The following EIF4E3 variants were observed in gnomAD, a reference collection of about 807,000 sequenced individuals.
The protein encoded by EIF4E3 is eukaryotic translation initiation factor 4E type 3.
Under a neutral mutation model 31.7 loss-of-function variants are expected in EIF4E3, and 26 were observed. That is an observed-to-expected ratio of 0.82 (90% CI 0.60 to 1.14). The LOEUF (loss-of-function observed/expected upper bound fraction) is 1.14, where lower values mean the gene tolerates loss of function less well. Ranked by LOEUF, EIF4E3 falls within the 50% of genes most tolerant of loss-of-function variation. The probability of loss-of-function intolerance (pLI) is 0.00; values close to 1 mark genes in which losing one functional copy is unlikely to be tolerated. For synonymous variants in EIF4E3, 128 were observed against 107.7 expected, an observed-to-expected ratio of 1.19 and a Z score of -1.17; for missense variants, 304 against 270.9, an observed-to-expected ratio of 1.12 and a Z score of -0.86.
rs1208127354 is a variant in EIF4E3 at position 71,682,085 on chromosome 3, G to GTTAC, written c.*2593_*2596dup. 6.6e-6 allele frequency: 1 copy of GTTAC among 152,192 alleles called. No homozygotes were observed. The highest frequency in any genetic ancestry group is 1.5e-5 in the Non-Finnish European group (1 of 68,040). The allele number at this position is 152,192 out of a possible 1,614,324, so 9.4% of individuals were successfully genotyped here. A position where few individuals can be genotyped will look rare whatever the true frequency, so the allele number is the denominator to read the frequency against. On this transcript the variant is annotated 3_prime_UTR_variant, in exon 7 of 7. Coordinates refer to ENST00000425534, the MANE Select transcript of EIF4E3 (RefSeq NM_001134651.2). Reference sequence around the variant, plus strand: ...CGAAAGACAGTCAAAATATAGGCAAGTTACTTTAAATGGGTATTATTTGTC... The same window carrying GTTAC: ...CGAAAGACAGTCAAAATATAGGCAAGTTACTTACTTTAAATGGGTATTATTTGTC...
rs1275570826 is a variant in EIF4E3 at position 71,742,715 on chromosome 3, G to GA, written c.-291+10747dup. Among the ~76,000 whole-genome samples the GA allele has an allele frequency of 9.9e-5, 15 of 152,002 alleles. No individual in the cohort carries two copies. The East Asian group carries it at 2.7e-3, about 27-fold the overall frequency. On this transcript the variant is annotated intron_variant, in intron 1 of 7. Transcript: ENST00000295612. ...GAGATCAATAACCCTCATGAATATA[G>GA]ATGTAAAAATTCAAAACAAAATTTT...
chr3:71,714,801 T>C (rs1020480274), intron 1 of EIF4E3, among the ~76,000 whole-genome samples: 7 of 152,194 alleles, frequency 4.6e-5, no homozygotes, highest in African/African-American at 1.4e-4. Flanking sequence ...AAAGTAGCAG[T>C]GCAAGCTGTT....
intron 4 of EIF4E3, among the ~76,000 whole-genome samples, chr3:71,695,201 C>T (rs2049119253): frequency 1.3e-5 from 2 of 152,112 alleles, no homozygotes; most frequent in South Asian, 4.1e-4. Context: ...CTGCGAGAGG[C>T]TGTTAGGGGA....
At chr3:71,663,737 C>T in the EIF4E3 span, among the ~76,000 whole-genome samples, 1 of 152,264 alleles carries the variant, frequency 6.6e-6, no homozygotes, top group Non-Finnish European at 1.5e-5. Flanking sequence ...GTTCGCCGCT[C>T]ATGCCTGTTT....
At chr3:71,734,127 A>T (rs1292200509) in intron 1 of EIF4E3, among the ~76,000 whole-genome samples, 1 of 152,150 alleles carries the variant, frequency 6.6e-6, no homozygotes, top group Non-Finnish European at 1.5e-5. Flanking sequence ...GTTGCACCTT[A>T]TGGTATTTGC....
chr3:71,661,877 A>G, the EIF4E3 span, among the ~76,000 whole-genome samples: 2 of 152,182 alleles, frequency 1.3e-5, no homozygotes, highest in East Asian at 3.9e-4. Context: ...AGTATACAGA[A>G]AGTGGTTAAG....
intron 1 of EIF4E3, among the ~76,000 whole-genome samples, chr3:71,714,161 G>C (rs752477744): frequency 6.6e-6 from 1 of 151,578 alleles, no homozygotes; most frequent in South Asian, 2.1e-4. Flanking sequence ...GCAGTGAGCC[G>C]AGATTGCGCC....
At chr3:71,739,494 C>T (rs1190305611) in intron 1 of EIF4E3, among the ~76,000 whole-genome samples, 1 of 151,868 alleles carries the variant, frequency 6.6e-6, no homozygotes, top group Non-Finnish European at 1.5e-5. Flanking sequence ...CTATGTGCCC[C>T]AGACCAGTCT....
Position 71,740,282 on chromosome 3 carries a change from T to C in EIF4E3, c.-290-11659A>G, listed in dbSNP as rs549468815. Among the ~76,000 whole-genome samples, 7 of 152,354 alleles carry C rather than the reference T, an allele frequency of 4.6e-5. No individual in the cohort carries two copies. In the South Asian group the frequency reaches 1.4e-3, roughly 32 times the overall value. On this transcript the variant is annotated intron_variant, in intron 1 of 7. Coordinates refer to the EIF4E3 transcript ENST00000295612. ...AAATGTACAGTTTAAATATTCCCAA[T>C]TGAATTTCAGCCATTATTTGGTTGA...
chr3:71,722,132 A>G (rs1334905290), intron 1 of EIF4E3, among the ~76,000 whole-genome samples: 2 of 152,126 alleles, frequency 1.3e-5, no homozygotes, highest in African/African-American at 2.4e-5. Flanking sequence ...GATGACTCTA[A>G]GATTTCTGGG....
upstream of EIF4E3, among the ~76,000 whole-genome samples, chr3:71,727,964 T>C (rs756519346): frequency 6.6e-5 from 10 of 152,262 alleles, no homozygotes; most frequent in Non-Finnish European, 1.5e-4. Flanking sequence ...TTTTCTTTAC[T>C]GAATAGCAAT....
At chr3:71,664,661 G>A in the EIF4E3 span, among the ~76,000 whole-genome samples, 3 of 152,128 alleles carry the variant, frequency 2.0e-5, no homozygotes, top group East Asian at 5.8e-4. Flanking sequence ...ATCACTTGAG[G>A]TCAGGAGTCC....
chr3:71,681,819 G>T lies in EIF4E3; in HGVS notation c.*2863C>A, dbSNP rs1047660626. On this transcript the variant is annotated 3_prime_UTR_variant, in exon 7 of 7. Coordinates refer to ENST00000425534, the MANE Select transcript of EIF4E3 (RefSeq NM_001134651.2). Reference sequence around the variant, plus strand: ...GTGACTGTGTGCATGGTGTAGACATGGGCTAAACTCAAGAAGAGGGGTGAG... The same window carrying T: ...GTGACTGTGTGCATGGTGTAGACATTGGCTAAACTCAAGAAGAGGGGTGAG... 2 of 152,126 alleles carry T rather than the reference G, an allele frequency of 1.3e-5. No individual in the cohort carries two copies. The highest frequency in any genetic ancestry group is 2.9e-5 in the Non-Finnish European group (2 of 68,036). 9.4% of individuals were successfully genotyped at this position (152,126 alleles called of 1,614,324 possible). A position where few individuals can be genotyped will look rare whatever the true frequency, so the allele number is the denominator to read the frequency against.
At chr3:71,662,728 C>T in the EIF4E3 span, among the ~76,000 whole-genome samples, 1 of 152,148 alleles carries the variant, frequency 6.6e-6, no homozygotes, top group Admixed American at 6.5e-5. Flanking sequence ...CCCAAAGTAA[C>T]TCAAAGTAAC....
At chr3:71,754,466 C>T, upstream of EIF4E3, 1 of 1,330,008 alleles carries the variant, frequency 7.5e-7, no homozygotes, top group Non-Finnish European at 9.7e-7. The surrounding 1 kb of genome is among the most constrained non-coding windows in gnomAD (Gnocchi z 5.8). Context: ...GCTGGCCGTG[C>T]GCCGCCATGC....
intron 1 of EIF4E3, among the ~76,000 whole-genome samples, chr3:71,712,722 T>C (rs970080796): frequency 1.1e-4 from 16 of 152,126 alleles, no homozygotes; most frequent in African/African-American, 3.9e-4. Flanking sequence ...AAAAAATTTT[T>C]TTAACTAATT....
chr3:71,684,511 TC>T lies in EIF4E3; in HGVS notation c.*170del. On this transcript the variant is annotated 3_prime_UTR_variant, in exon 7 of 7. Transcript: ENST00000425534. ...TGTGACGGTAGAAACCCACACAATC[TC>T]CCCCCACCCCACCTGCCACTTTGAG... is the stretch of plus-strand genomic sequence containing the variant. The T allele has an allele frequency of 1.9e-6, 1 of 531,846 alleles. No homozygotes were observed. The highest frequency in any genetic ancestry group is 3.1e-6 in the Non-Finnish European group (1 of 320,928). The allele number at this position is 531,846 out of a possible 1,614,324, so 32.9% of individuals were successfully genotyped here.
At chr3:71,710,159 G>A (rs574086829) in intron 2 of EIF4E3, among the ~76,000 whole-genome samples, 13 of 152,288 alleles carry the variant, frequency 8.5e-5, no homozygotes, top group South Asian at 2.1e-4. Context: ...CCTTTTGTGC[G>A]GGTCTATGAA....
At position 71,701,754 on chromosome 3, in the gene EIF4E3, C is replaced by A. The variant is rs563287023; in HGVS notation, c.250-2046G>T. On this transcript the variant is annotated intron_variant, in intron 2 of 6. Coordinates refer to ENST00000425534, the MANE Select transcript of EIF4E3 (RefSeq NM_001134651.2). ...TAAAAAAATAATAAAGCTGAATTAA[C>A]TGCAAAGGTGGCAATGATGAACTAT... Among the ~76,000 whole-genome samples, 7 of 152,268 alleles carry A rather than the reference C, an allele frequency of 4.6e-5. No individual in the cohort carries two copies. The South Asian group carries it at 1.0e-3, about 23-fold the overall frequency.
Sources: allele counts gnomAD v4.1 joint callset (sites outside exome capture counted in the v4.1 genomes callset), GRCh38; gene constraint gnomAD v4.1.1; non-coding constraint Gnocchi (gnomAD v3.1); transcripts MANE v1.5; gene names NCBI Gene and HGNC (gene_info 2026-07-23, HGNC 2026-07-21).